BAIAP2: variants seen among roughly 807,000 people sequenced by gnomAD.
BAIAP2 encodes BAR/IMD domain-containing adapter protein 2.
Under a neutral mutation model 63.0 loss-of-function variants are expected in BAIAP2, and 18 were observed. The ratio of observed to expected loss-of-function variants is 0.29; its 90% CI spans 0.20 to 0.42. The LOEUF is 0.42. Among genes scored for constraint, BAIAP2 ranks in the 10% least tolerant of loss-of-function variants. BAIAP2 has a pLI of 1.00. For missense variants in BAIAP2, 610 were observed against 734.3 expected (o/e 0.83, Z 1.96); for synonymous variants, 386 against 307.6 (o/e 1.25, Z -2.67).
At position 81,085,431 on chromosome 17, in the gene BAIAP2, G is replaced by A. The variant is rs531226273; in HGVS notation, c.280-223G>A. ...GTTTCCCTTGTGGCTGTTTGGAGGC[G>A]AGATTGTCCGACGTTCCAGACTCCT... On this transcript the variant is annotated intron_variant, in intron 4 of 13. Transcript: ENST00000428708. 5.0e-5 allele frequency: 34 copies of A among 679,840 alleles called. No individual in the cohort carries two copies. The East Asian group carries it at 8.5e-4, about 17-fold the overall frequency. The allele number at this position is 679,840 out of a possible 1,614,324, so 42.1% of individuals were successfully genotyped here. A position where few individuals can be genotyped will look rare whatever the true frequency, so the allele number is the denominator to read the frequency against.
At chr17:81,044,996 A>G (rs540819357) in intron 1 of BAIAP2, among the ~76,000 whole-genome samples, 28 of 152,332 alleles carry the variant, frequency 1.8e-4, no homozygotes, top group African/African-American at 6.7e-4. Flanking sequence ...TCCCCATTGA[A>G]GCTGGGATAG....
At chr17:81,047,297 C>T (rs1336535421) in intron 1 of BAIAP2, among the ~76,000 whole-genome samples, 1 of 152,136 alleles carries the variant, frequency 6.6e-6, no homozygotes, top group East Asian at 1.9e-4. Flanking sequence ...CCCTGCCTTC[C>T]TGAGCCTCAC....
chr17:81,085,944 G>T (rs2145315067), intron 5 of BAIAP2, among the ~76,000 whole-genome samples: 1 of 152,358 alleles, frequency 6.6e-6, no homozygotes, highest in Middle Eastern at 3.4e-3. Context: ...CGCCCCACAT[G>T]CCTGGTTCCA....
In BAIAP2 at chr17:81,099,361, G is replaced by A. The variant is rs530476152; in HGVS notation, c.490-567G>A. ...ATGAGGTGCGCCCGGAGTCCCCTCT[G>A]CAGCAGAGGGCTTCCCTGGGGTCCT... is the stretch of plus-strand genomic sequence containing the variant. On this transcript the variant is annotated intron_variant, in intron 6 of 13. Transcript: ENST00000428708. Among the ~76,000 whole-genome samples, 64 of 152,300 alleles carry A rather than the reference G, an allele frequency of 4.2e-4. 1 individual carries two copies. The highest frequency in any genetic ancestry group is 1.4e-3 in the African/African-American group (60 of 41,578).
In BAIAP2 at chr17:81,115,998, C is replaced by A. The variant is rs939863579; in HGVS notation, c.*159C>A. ...TGGCCTGGACTGGATCCCAGCTGTT[C>A]TAGGCAGGGCCGGGCAGAGTGGGGC... On this transcript the variant is annotated 3_prime_UTR_variant, in exon 14 of 14. Coordinates refer to ENST00000428708, the MANE Select transcript of BAIAP2 (RefSeq NM_001144888.2). 4 of 1,475,076 alleles carry A rather than the reference C, an allele frequency of 2.7e-6. No homozygotes were observed. The highest frequency in any genetic ancestry group is 3.6e-6 in the Non-Finnish European group (4 of 1,114,708). 91.4% of individuals were successfully genotyped at this position (1,475,076 alleles called of 1,614,324 possible).
intron 6 of BAIAP2, among the ~76,000 whole-genome samples, chr17:81,090,941 C>A (rs557622025): frequency 6.6e-6 from 1 of 152,312 alleles, no homozygotes; most frequent in South Asian, 2.1e-4. Flanking sequence ...CCAGCTGTTG[C>A]ATGTCCTCTC....
intron 13 of BAIAP2, among the ~76,000 whole-genome samples, chr17:81,113,958 C>CT (rs58758919): frequency 0.014 from 1,128 of 83,130 alleles, 14 homozygotes; most frequent in South Asian, 0.038. Flanking sequence ...TGGGAACCCA[C>CT]TTTTTTTTTT....
intron 2 of BAIAP2, among the ~76,000 whole-genome samples, chr17:81,055,622 G>T (rs945061452): frequency 2.4e-5 from 3 of 125,336 alleles, no homozygotes; most frequent in African/African-American, 9.1e-5. Flanking sequence ...CCAGACTGCA[G>T]TGGCGCTATC....
intron 1 of BAIAP2, among the ~76,000 whole-genome samples, chr17:81,037,553 G>A (rs868168259): frequency 1.3e-5 from 2 of 152,252 alleles, no homozygotes; most frequent in South Asian, 2.1e-4. Flanking sequence ...TCAGGAGACC[G>A]CTGAGGCCAC....
intron 3 of BAIAP2, among the ~76,000 whole-genome samples, chr17:81,072,805 G>C (rs2052937091): frequency 6.6e-6 from 1 of 152,136 alleles, no homozygotes; most frequent in South Asian, 2.1e-4. Context: ...ATTGGTGTCA[G>C]AGTGGGGCTG....
At chr17:81,104,239 C>T (rs2058852293) in intron 9 of BAIAP2, 131 bp downstream of exon 9, 5 of 1,045,002 alleles carry the variant, frequency 4.8e-6, no homozygotes, top group South Asian at 1.5e-5. Context: ...TGTGTACCTA[C>T]ATGCATGTGG....
chr17:81,109,708 ACAGTGGCCT>A, intron 13 of BAIAP2: 1 of 985,346 alleles, frequency 1.0e-6, no homozygotes, highest in Non-Finnish European at 1.2e-6. Context: ...GCAGCGCGGC[ACAGTGGCCT>A]CACCTCCCGT....
At chr17:81,073,284 T>C (rs1307479987) in intron 3 of BAIAP2, among the ~76,000 whole-genome samples, 2 of 152,130 alleles carry the variant, frequency 1.3e-5, no homozygotes, top group Non-Finnish European at 2.9e-5. Context: ...TTCAGAACTT[T>C]TACCACCTGG....
At chr17:81,063,226 G>C (rs1213832814) in intron 3 of BAIAP2, among the ~76,000 whole-genome samples, 1 of 152,198 alleles carries the variant, frequency 6.6e-6, no homozygotes, top group Non-Finnish European at 1.5e-5. Flanking sequence ...GAGGCTGGGA[G>C]GGGAGGCAGG....
intron 13 of BAIAP2, chr17:81,109,643 G>GCCC: frequency 2.0e-6 from 2 of 985,382 alleles, no homozygotes; most frequent in Non-Finnish European, 2.4e-6. Flanking sequence ...GGGAGGCCGG[G>GCCC]CCCGGGCACC....
chr17:81,098,243 C>G, intron 6 of BAIAP2: 2 of 1,268,890 alleles, frequency 1.6e-6, no homozygotes, highest in South Asian at 5.1e-5. Flanking sequence ...TGGGAGGCGC[C>G]TCTGCCCAGG....
At chr17:81,045,863 C>T (rs2047726786) in intron 1 of BAIAP2, among the ~76,000 whole-genome samples, 1 of 152,136 alleles carries the variant, frequency 6.6e-6, no homozygotes, top group Non-Finnish European at 1.5e-5. Flanking sequence ...GCCTAGTGGC[C>T]CCTCCTGACC....
chr17:81,086,005 G>C (rs6565534), intron 5 of BAIAP2, among the ~76,000 whole-genome samples: 140,776 of 152,274 alleles, frequency 0.92, 65,428 homozygotes, highest in East Asian at 1. Context: ...CTCTGCTGCC[G>C]GGGAGTGCAG....
intron 3 of BAIAP2, among the ~76,000 whole-genome samples, chr17:81,071,342 T>C (rs767591256): frequency 6.6e-6 from 1 of 152,102 alleles, no homozygotes; most frequent in Non-Finnish European, 1.5e-5. Context: ...CCCCTGGCCA[T>C]CTGTCCTTCC....
Sources: gnomAD v4.1 joint callset for allele counts (sites outside exome capture counted in the v4.1 genomes callset) on GRCh38, gnomAD v4.1.1 for gene constraint, MANE v1.5 for transcripts, NCBI Gene and HGNC (gene_info 2026-07-23, HGNC 2026-07-21) for gene names.